The following ADGRL4 variants were observed in gnomAD, a reference collection of about 807,000 sequenced individuals.
ADGRL4 encodes EGF, latrophilin and seven transmembrane domain containing 1.
In ADGRL4, 90 loss-of-function variants were observed where a neutral mutation model predicts 74.8. That is an observed-to-expected ratio of 1.20 (90% CI 1.02 to 1.43). The LOEUF (loss-of-function observed/expected upper bound fraction) is 1.43. ADGRL4 is among the 40% of genes most tolerant of loss of function. ADGRL4 has a pLI of 0.00. For synonymous variants in ADGRL4, 311 were observed against 279.2 expected (o/e 1.11, Z -1.14); for missense variants, 881 against 814.3 (o/e 1.08, Z -1.00).
intron 2 of ADGRL4, among the ~76,000 whole-genome samples, chr1:78,978,754 T>C (rs929207314): frequency 7.2e-5 from 11 of 151,984 alleles, no homozygotes; most frequent in African/African-American, 2.7e-4. Context: ...TAGTTCTCTT[T>C]CACCAGTTAG....
intron 12 of ADGRL4, among the ~76,000 whole-genome samples, chr1:78,896,910 T>A (rs1210725586): frequency 6.6e-6 from 1 of 152,178 alleles, no homozygotes; most frequent in Non-Finnish European, 1.5e-5. Context: ...TTCATCATAG[T>A]TTCTCCAGTA....
Position 78,891,549 on chromosome 1 carries a change from A to G in ADGRL4, c.1985T>C (p.Leu662Ser). The G allele has an allele frequency of 6.2e-7, 1 of 1,613,014 alleles. No individual in the cohort carries two copies. Among genetic ancestry groups the G allele is most frequent in the Non-Finnish European group, 8.5e-7 (1 of 1,179,482 alleles). ...SNAFQGMFIF[L>S]FLCVLSRKIQ... ...CTTTCTAGATAAAACACACAGGAAT[A>G]AAAAAATGAACATCCCCTGGAAAGC... Residue 662 changes from leucine to serine, a missense_variant, in exon 14 of 15, where the codon TTA becomes TCA. Physicochemically the swap from Leu to Ser is moderately radical, Grantham distance 145. Transcript: ENST00000370742.
At chr1:78,998,894 C>T (rs1222939613) in intron 2 of ADGRL4, among the ~76,000 whole-genome samples, 1 of 152,092 alleles carries the variant, frequency 6.6e-6, no homozygotes, top group Non-Finnish European at 1.5e-5. Flanking sequence ...ATAACACCAG[C>T]CCTTACTTCA....
intron 2 of ADGRL4, among the ~76,000 whole-genome samples, chr1:78,978,997 A>T (rs190344764): frequency 6.6e-6 from 1 of 152,096 alleles, no homozygotes; most frequent in African/African-American, 2.4e-5. Flanking sequence ...TGAATGAATT[A>T]TGAGTTACAT....
chr1:78,908,019 T>C (rs1485211081), intron 12 of ADGRL4, among the ~76,000 whole-genome samples: 3 of 151,924 alleles, frequency 2.0e-5, no homozygotes, highest in African/African-American at 7.2e-5. Context: ...GAGAAAGAAA[T>C]CAAGACCAAG....
At chr1:78,947,054 C>A (rs1337060071) in intron 2 of ADGRL4, among the ~76,000 whole-genome samples, 3 of 151,864 alleles carry the variant, frequency 2.0e-5, no homozygotes, top group Admixed American at 2.0e-4. Context: ...TTCATAAAAC[C>A]TTTTTAAACA....
At chr1:79,004,298 C>T (rs578111325) in intron 2 of ADGRL4, among the ~76,000 whole-genome samples, 7 of 151,956 alleles carry the variant, frequency 4.6e-5, no homozygotes, top group East Asian at 1.9e-4. Flanking sequence ...CTACACAGGA[C>T]GTTGGTCTAT....
intron 2 of ADGRL4, among the ~76,000 whole-genome samples, chr1:78,966,869 C>CT (rs200694415): frequency 0.057 from 7,819 of 136,862 alleles, 221 homozygotes; most frequent in African/African-American, 0.072. Flanking sequence ...CTTTTTCTTT[C>CT]TTTTTTTTTT....
chr1:78,946,277 T>C lies in ADGRL4; in HGVS notation c.322A>G (p.Ile108Val), dbSNP rs773474494. 85 of 1,610,240 alleles carry C rather than the reference T, an allele frequency of 5.3e-5. No homozygotes were observed. The highest frequency in any genetic ancestry group is 6.9e-5 in the Non-Finnish European group (81 of 1,178,510). The change falls in exon 3 of 15, where the codon ATA becomes GTA. Residue 108 changes from isoleucine (I) to valine (V), a missense_variant. Physicochemically the swap from Ile to Val is conservative, Grantham distance 29. Transcript: ENST00000370742. Reference protein sequence around the residue: ...RFITNDGTVCIENVNANCHLD... With the variant: ...RFITNDGTVCVENVNANCHLD... Reference sequence around the variant, plus strand: ...TAACTTAGATAACCGAACTTACCTATACAGACGGTTCCATCATTAGTGATA... The same window carrying C: ...TAACTTAGATAACCGAACTTACCTACACAGACGGTTCCATCATTAGTGATA...
At chr1:78,936,688 ATT>A (rs936203318) in intron 6 of ADGRL4, among the ~76,000 whole-genome samples, 1 of 152,196 alleles carries the variant, frequency 6.6e-6, no homozygotes, top group African/African-American at 2.4e-5. Flanking sequence ...AAGCTATAAA[ATT>A]ATAATTACTA....
At chr1:78,917,798 T>C (rs768306878) in intron 11 of ADGRL4, 32 bp downstream of exon 11, 2 of 1,601,932 alleles carry the variant, frequency 1.2e-6, no homozygotes, top group Admixed American at 1.7e-5. Context: ...CAAAATCGTA[T>C]TTCAAATGCT....
In ADGRL4 at chr1:78,953,249, G is replaced by C. The variant is rs112555039; in HGVS notation, c.173-6823C>G. Among the ~76,000 whole-genome samples the C allele has an allele frequency of 1.1e-4, 16 of 152,250 alleles. 1 individual carries two copies. The highest frequency in any genetic ancestry group is 3.4e-4 in the African/African-American group (14 of 41,562). On this transcript the variant is annotated intron_variant, in intron 2 of 14. Transcript: ENST00000370742. ...ATTGTATCTATCAATCAATGGTACA[G>C]TAAAGATGAGTAATGCTCTTACAGT...
intron 2 of ADGRL4, among the ~76,000 whole-genome samples, chr1:78,960,675 A>G (rs1649932951): frequency 6.6e-6 from 1 of 152,116 alleles, no homozygotes; most frequent in Admixed American, 6.6e-5. Context: ...TGTATGTTGA[A>G]ATCCTAACCC....
intron 2 of ADGRL4, among the ~76,000 whole-genome samples, chr1:78,978,413 T>A (rs1221466389): frequency 1.3e-5 from 2 of 151,960 alleles, no homozygotes; most frequent in Non-Finnish European, 2.9e-5. Flanking sequence ...GCATCACCTC[T>A]GTCCACAAGA....
chr1:78,971,840 T>C (rs1021174589), intron 2 of ADGRL4, among the ~76,000 whole-genome samples: 3 of 152,168 alleles, frequency 2.0e-5, no homozygotes, highest in African/African-American at 7.2e-5. Context: ...CACGGCAACC[T>C]CCACCTCCAG....
intron 3 of ADGRL4, among the ~76,000 whole-genome samples, chr1:78,942,616 A>G (rs17102471): frequency 0.032 from 4,828 of 152,214 alleles, 96 homozygotes; most frequent in South Asian, 0.052. Flanking sequence ...CATATCATTA[A>G]CAAACAATCT....
intron 9 of ADGRL4, among the ~76,000 whole-genome samples, chr1:78,920,862 A>G (rs1051076150): frequency 6.6e-6 from 1 of 151,934 alleles, no homozygotes; most frequent in African/African-American, 2.4e-5. Flanking sequence ...ACTTTGAAAT[A>G]GAAAATGCTG....
chr1:78,928,521 C>A (rs2100679023), intron 7 of ADGRL4, among the ~76,000 whole-genome samples: 1 of 151,418 alleles, frequency 6.6e-6, no homozygotes, highest in South Asian at 2.1e-4. Flanking sequence ...AAATCATCAT[C>A]CATTCTTCCT....
chr1:78,909,485 A>T (rs1488570840), intron 12 of ADGRL4, among the ~76,000 whole-genome samples: 1 of 151,880 alleles, frequency 6.6e-6, no homozygotes, highest in African/African-American at 2.4e-5. Flanking sequence ...GAGACCAGAG[A>T]TGTTCCTAAG....
Sources: allele counts gnomAD v4.1 joint callset (sites outside exome capture counted in the v4.1 genomes callset), GRCh38; gene constraint gnomAD v4.1.1; transcripts MANE v1.5; gene names NCBI Gene and HGNC (gene_info 2026-07-23, HGNC 2026-07-21).